Variants in SH2D1A observed in about 807,000 individuals in gnomAD.
SH2D1A encodes the protein SH2 domain containing 1A.
In SH2D1A, 6 loss-of-function variants were observed where a neutral mutation model predicts 10.1. The observed-to-expected ratio is 0.60, with a 90% CI of 0.33 to 1.18. The LOEUF (loss-of-function observed/expected upper bound fraction) is 1.18. SH2D1A is among the 50% of genes most tolerant of loss of function. The probability of loss-of-function intolerance (pLI) is 0.04; values close to 1 mark genes in which losing one functional copy is unlikely to be tolerated. For synonymous variants in SH2D1A, 42 were observed against 36.9 expected, an observed-to-expected ratio of 1.14 and a Z score of -0.51; for missense variants, 51 against 97.6, an observed-to-expected ratio of 0.52 and a Z score of 2.01.
At chrX:124,350,106 G>C (rs1378256199) in intron 1 of SH2D1A, among the ~76,000 whole-genome samples, 6 of 84,821 alleles carry the variant, frequency 7.1e-5, no homozygotes, top group Non-Finnish European at 1.3e-4. Context: ...TAAAAAGTTT[G>C]ATTTTTGTAT....
intron 1 of SH2D1A, among the ~76,000 whole-genome samples, chrX:124,362,905 A>G (rs1027622348): frequency 9.0e-6 from 1 of 110,830 alleles, no homozygotes; most frequent in African/African-American, 3.3e-5. Context: ...ATCTGATAGG[A>G]TTGGGGGCCT....
At chrX:124,358,754 C>T (rs1429843231) in intron 1 of SH2D1A, among the ~76,000 whole-genome samples, 1 of 111,710 alleles carries the variant, frequency 9.0e-6, no homozygotes, top group African/African-American at 3.3e-5. Context: ...TGTGGGCATT[C>T]GCTTTACATT....
Position 124,346,618 on chromosome X carries a change from G to A in SH2D1A, c.-25G>A. On this transcript the variant is annotated 5_prime_UTR_variant, in exon 1 of 4. Transcript: ENST00000371139. The stretch of plus-strand genomic sequence containing the variant: ...TCTCCCTTGCACAGTTCTCCTCCTC[G>A]GCCTGCCCAAGAGTCCACCAGGCCA... 8.3e-7 allele frequency: 1 copy of A among 1,210,833 alleles called. No homozygotes were observed. The highest frequency in any genetic ancestry group is 1.1e-6 in the Non-Finnish European group (1 of 894,765).
chrX:124,352,276 C>A (rs1302454924), intron 1 of SH2D1A, among the ~76,000 whole-genome samples: 1 of 111,282 alleles, frequency 9.0e-6, no homozygotes, highest in Non-Finnish European at 1.9e-5. Context: ...GATTTGCTAG[C>A]CGACTTTACC....
In SH2D1A at chrX:124,371,435, A is replaced by G; in HGVS notation, c.*44A>G. ...GTACTTTATTTTCTATAATTTAAATATATGCTAAGTCTTATATATTGTAGA... is the reference window on the plus strand; with the variant it reads ...GTACTTTATTTTCTATAATTTAAATGTATGCTAAGTCTTATATATTGTAGA... On this transcript the variant is annotated 3_prime_UTR_variant, in exon 4 of 4. Transcript: ENST00000371139. The G allele has an allele frequency of 1.1e-6, 1 of 869,833 alleles. No individual in the cohort carries two copies. The highest frequency in any genetic ancestry group is 1.7e-6 in the Non-Finnish European group (1 of 595,072). 71.7% of individuals were successfully genotyped at this position (869,833 alleles called of 1,213,427 possible).
chrX:124,348,622 T>A (rs2059999871), intron 1 of SH2D1A, among the ~76,000 whole-genome samples: 1 of 111,777 alleles, frequency 8.9e-6, no homozygotes, highest in African/African-American at 3.3e-5. Flanking sequence ...TCCCTGTCCC[T>A]GATACACTCA....
intron 1 of SH2D1A, among the ~76,000 whole-genome samples, chrX:124,350,539 AAT>A (rs1491092768): frequency 6.5e-5 from 3 of 45,898 alleles, no homozygotes; most frequent in African/African-American, 2.0e-4. Flanking sequence ...TATAATATAT[AAT>A]ATATACTATA....
intron 1 of SH2D1A, among the ~76,000 whole-genome samples, chrX:124,348,358 A>G (rs774684416): frequency 9.0e-6 from 1 of 111,050 alleles, no homozygotes; most frequent in South Asian, 3.9e-4. Flanking sequence ...CCTTAACCCA[A>G]AGGTGAAAAA....
At chrX:124,347,293 G>C (rs191257104) in intron 1 of SH2D1A, among the ~76,000 whole-genome samples, 1 of 109,870 alleles carries the variant, frequency 9.1e-6, no homozygotes, top group African/African-American at 3.3e-5. Flanking sequence ...AGAGGAGGGG[G>C]ATGTGTGTCA....
In SH2D1A at chrX:124,346,655, G is replaced by T; in HGVS notation, c.13G>T (p.Ala5Ser). MDAV[A>S]VYHGKISRET... Reference sequence around the variant, plus strand: ...AGTCCACCAGGCCATGGACGCAGTGGCTGTGTATCATGGCAAAATCAGCAG... The same window carrying T: ...AGTCCACCAGGCCATGGACGCAGTGTCTGTGTATCATGGCAAAATCAGCAG... The change falls in exon 1 of 4, where the codon GCT (alanine) becomes TCT (serine). Residue 5 changes from alanine (A) to serine (S), a missense_variant. Transcript: ENST00000371139. 8.3e-7 allele frequency: 1 copy of T among 1,212,015 alleles called. No homozygotes were observed.
At chrX:124,370,111 T>G in intron 2 of SH2D1A, 65 bp from the exon 3 acceptor site, 4 of 797,052 alleles carry the variant, frequency 5.0e-6, no homozygotes, top group Non-Finnish European at 7.7e-6. Context: ...CCCTAGCACA[T>G]TTTGTAGGTC....
At chrX:124,355,483 G>A (rs1042821494) in intron 1 of SH2D1A, among the ~76,000 whole-genome samples, 3 of 111,497 alleles carry the variant, frequency 2.7e-5, no homozygotes, top group Non-Finnish European at 3.8e-5. Flanking sequence ...TGATTTTTTT[G>A]GTGATACATT....
In SH2D1A at chrX:124,349,002, G is replaced by A. The variant is rs1260387102; in HGVS notation, c.137+2223G>A. On this transcript the variant is annotated intron_variant, in intron 1 of 3. Coordinates refer to ENST00000371139, the MANE Select transcript of SH2D1A (RefSeq NM_002351.5). The stretch of plus-strand genomic sequence containing the variant: ...GTACCTTATGCAAGAGAGAAGGGCA[G>A]CTTTAGACTTTTGCCTATGTAGGCC... Among the ~76,000 whole-genome samples, 4 of 112,481 alleles carry A rather than the reference G, an allele frequency of 3.6e-5. No individual in the cohort carries two copies. The Admixed American group carries it at 3.8e-4, about 11-fold the overall frequency.
intron 1 of SH2D1A, among the ~76,000 whole-genome samples, chrX:124,364,802 A>C (rs1404842378): frequency 9.0e-6 from 1 of 111,565 alleles, no homozygotes; most frequent in East Asian, 2.8e-4. Flanking sequence ...CTAAGTTTAC[A>C]GTGTTCATAA....
At position 124,372,216 on chromosome X, in the gene SH2D1A, T is replaced by C; in HGVS notation, c.*825T>C. Reference sequence around the variant, plus strand: ...AACAAGCCTCCTTTTAAAGTAACCCTACAAAACCACTGGAAAGTTTATGGT... The same window carrying C: ...AACAAGCCTCCTTTTAAAGTAACCCCACAAAACCACTGGAAAGTTTATGGT... On this transcript the variant is annotated 3_prime_UTR_variant, in exon 4 of 4. Transcript: ENST00000371139. 6.0e-6 allele frequency: 1 copy of C among 166,125 alleles called. No individual in the cohort carries two copies. 13.7% of individuals were successfully genotyped at this position (166,125 alleles called of 1,213,427 possible). A position where few individuals can be genotyped will look rare whatever the true frequency, so the allele number is the denominator to read the frequency against.
intron 2 of SH2D1A, among the ~76,000 whole-genome samples, chrX:124,369,496 A>G (rs994563806): frequency 2.7e-5 from 3 of 112,127 alleles, no homozygotes; most frequent in African/African-American, 9.7e-5. Context: ...TTTCATTTTC[A>G]TGTCATAGAG....
intron 1 of SH2D1A, among the ~76,000 whole-genome samples, chrX:124,352,745 C>T (rs2060018190): frequency 9.0e-6 from 1 of 111,501 alleles, no homozygotes; most frequent in South Asian, 3.7e-4. Context: ...GCAAGTATCC[C>T]TTTGATATAT....
intron 1 of SH2D1A, among the ~76,000 whole-genome samples, chrX:124,351,226 C>G (rs1024116149): frequency 9.5e-6 from 1 of 105,805 alleles, no homozygotes; most frequent in African/African-American, 3.4e-5. Context: ...TTCTTAGAGA[C>G]AACTTTAAGA....
At chrX:124,365,853 G>A (rs1429099279) in intron 2 of SH2D1A, 29 bp downstream of exon 2, 10 of 946,691 alleles carry the variant, frequency 1.1e-5, no homozygotes, top group Non-Finnish European at 1.5e-5. Context: ...TTGCTTCTGG[G>A]GGTGTCAAGG....
Sources: allele counts gnomAD v4.1 joint callset (sites outside exome capture counted in the v4.1 genomes callset), GRCh38; gene constraint gnomAD v4.1.1; transcripts MANE v1.5; gene names NCBI Gene and HGNC (gene_info 2026-07-23, HGNC 2026-07-21).